FSTL5: variants seen among roughly 807,000 people sequenced by gnomAD.
FSTL5 encodes the protein follistatin like 5.
Under a neutral mutation model 89.1 loss-of-function variants are expected in FSTL5, and 62 were observed. That is an observed-to-expected ratio of 0.70 (90% confidence interval 0.57 to 0.86). FSTL5 has a LOEUF of 0.86. Ranked by LOEUF, FSTL5 falls within the 40% of genes least tolerant of loss-of-function variation. FSTL5 has a pLI of 0.00. For missense variants in FSTL5, 1,057 were observed against 1,001.6 expected, an observed-to-expected ratio of 1.06 and a Z score of -0.75; for synonymous variants, 383 against 346.2, an observed-to-expected ratio of 1.11 and a Z score of -1.18.
chr4:162,126,382 G>A (rs911192450), intron 1 of FSTL5, among the ~76,000 whole-genome samples: 6 of 152,028 alleles, frequency 3.9e-5, no homozygotes, highest in African/African-American at 1.4e-4. Context: ...ACTTTCAAAT[G>A]TCTTGTGGCA....
At chr4:161,712,776 CCTCT>C (rs1228614996) in intron 6 of FSTL5, among the ~76,000 whole-genome samples, 1 of 149,518 alleles carries the variant, frequency 6.7e-6, no homozygotes, top group East Asian at 1.9e-4. Context: ...TGACCCCTCA[CCTCT>C]CTCTCTCTTT....
At chr4:162,080,286 A>G (rs543482311) in intron 2 of FSTL5, among the ~76,000 whole-genome samples, 90 of 151,766 alleles carry the variant, frequency 5.9e-4, no homozygotes, top group Middle Eastern at 6.8e-3. Flanking sequence ...GTAAGGATTT[A>G]TTCTGGCTTA....
intron 1 of FSTL5, among the ~76,000 whole-genome samples, chr4:162,126,217 T>C (rs1412422453): frequency 6.6e-6 from 1 of 152,116 alleles, no homozygotes; most frequent in African/African-American, 2.4e-5. Flanking sequence ...AATAAACCTT[T>C]CTATAGTTTT....
chr4:162,077,066 G>A (rs1203080987), intron 2 of FSTL5, among the ~76,000 whole-genome samples: 1 of 151,756 alleles, frequency 6.6e-6, no homozygotes, highest in Admixed American at 6.6e-5. Flanking sequence ...TTAAAAACTG[G>A]ATACCTGTCA....
intron 15 of FSTL5, among the ~76,000 whole-genome samples, chr4:161,435,259 G>T (rs960280449): frequency 4.6e-5 from 7 of 152,104 alleles, no homozygotes; most frequent in South Asian, 4.1e-4. Flanking sequence ...ATGAGATATT[G>T]TTATTTGCAA....
rs536797410 is a variant in FSTL5, at chr4:161,473,131, C to T, written c.1608+7889G>A. 6.6e-5 allele frequency among the ~76,000 whole-genome samples: 10 copies of T among 152,188 alleles called. No homozygotes were observed. In the South Asian group the frequency reaches 1.7e-3, roughly 25 times the overall value. Reference sequence around the variant, plus strand: ...AAGAGAAAGATATATATGCTATTGTCATTGGATAGGGTATTCTGTATTTGT... The same window carrying T: ...AAGAGAAAGATATATATGCTATTGTTATTGGATAGGGTATTCTGTATTTGT... On this transcript the variant is annotated intron_variant, in intron 13 of 15. Coordinates refer to ENST00000306100, the MANE Select transcript of FSTL5 (RefSeq NM_020116.5).
chr4:161,453,400 C>G lies in FSTL5; in HGVS notation c.1841+1604G>C, dbSNP rs185559262. The stretch of plus-strand genomic sequence containing the variant: ...TAGTCATAACACCAATTGCCAATTA[C>G]ATTAAATTTTATCCTCATTAAATAT... On this transcript the variant is annotated intron_variant, in intron 15 of 15. Transcript: ENST00000306100. Among the ~76,000 whole-genome samples, 553 of 152,146 alleles carry G rather than the reference C, an allele frequency of 3.6e-3. 3 individuals carry two copies. Among genetic ancestry groups the G allele is most frequent in the African/African-American group, 0.012 (501 of 41,524 alleles).
intron 3 of FSTL5, among the ~76,000 whole-genome samples, chr4:161,952,263 T>C (rs1303036288): frequency 6.6e-6 from 1 of 151,972 alleles, no homozygotes; most frequent in Admixed American, 6.6e-5. Context: ...CCACAATCGA[T>C]AGCTCTATTT....
intron 2 of FSTL5, among the ~76,000 whole-genome samples, chr4:162,090,693 C>T (rs562796928): frequency 1.9e-3 from 288 of 151,932 alleles, no homozygotes; most frequent in African/African-American, 6.6e-3. Flanking sequence ...TGGTGGTGCA[C>T]GCCTGTAATC....
At chr4:161,654,544 A>C (rs1240409201) in intron 7 of FSTL5, among the ~76,000 whole-genome samples, 1 of 152,134 alleles carries the variant, frequency 6.6e-6, no homozygotes, top group Non-Finnish European at 1.5e-5. Context: ...AAAAGTTTCC[A>C]CATATATGCA....
chr4:161,597,749 AATAG>A (rs1252892276), intron 7 of FSTL5, among the ~76,000 whole-genome samples: 1 of 152,130 alleles, frequency 6.6e-6, no homozygotes, highest in Non-Finnish European at 1.5e-5. Context: ...GACCCAATGC[AATAG>A]GTTATGGAGT....
rs56229701 is a variant in FSTL5 at position 161,437,565 on chromosome 4, C to CAAAAAAAAAAAAAA, written c.1841+17425_1841+17438dup. ...CTGGTGACAGAGTGAGACTCCGTCT[C>CAAAAAAAAAAAAAA]AAAAAAAAAAAAAAAAACGAGGTCA... On this transcript the variant is annotated intron_variant, in intron 15 of 15. Transcript: ENST00000306100. Among the ~76,000 whole-genome samples, 34 of 68,502 alleles carry CAAAAAAAAAAAAAA rather than the reference C, an allele frequency of 5.0e-4. 1 individual carries two copies. Among genetic ancestry groups the CAAAAAAAAAAAAAA allele is most frequent in the South Asian group, 1.2e-3 (2 of 1,608 alleles). 44.9% of individuals were successfully genotyped at this position (68,502 alleles called of 152,430 possible).
At chr4:161,656,515 T>A (rs1553955489) in intron 6 of FSTL5, 21 bp from the exon 7 acceptor site, 1 of 1,473,110 alleles carries the variant, frequency 6.8e-7, no homozygotes. Context: ...GAAGTGTCAG[T>A]AATGTTGATG....
chr4:161,949,382 G>A (rs1264810185), intron 3 of FSTL5, among the ~76,000 whole-genome samples: 2 of 151,940 alleles, frequency 1.3e-5, no homozygotes, highest in African/African-American at 2.4e-5. Context: ...TCTACCATAC[G>A]CTTTTAAAAA....
intron 3 of FSTL5, among the ~76,000 whole-genome samples, chr4:162,000,061 C>T (rs1186051036): frequency 6.6e-6 from 1 of 152,042 alleles, no homozygotes; most frequent in East Asian, 1.9e-4. Flanking sequence ...GGTTATTTTG[C>T]TTAAGGGCTA....
intron 8 of FSTL5, among the ~76,000 whole-genome samples, chr4:161,584,630 T>C (rs72990941): frequency 0.19 from 28,956 of 152,172 alleles, 3,235 homozygotes; most frequent in Non-Finnish European, 0.23. Flanking sequence ...TCTTGATTTT[T>C]TCACTTTCCT....
intron 7 of FSTL5, among the ~76,000 whole-genome samples, chr4:161,650,891 C>T (rs1446914799): frequency 6.6e-6 from 1 of 152,108 alleles, no homozygotes; most frequent in Non-Finnish European, 1.5e-5. Context: ...GACCTACTTT[C>T]TCTCAAGTAA....
At chr4:161,895,780 A>C (rs1285346374) in intron 4 of FSTL5, among the ~76,000 whole-genome samples, 1 of 152,152 alleles carries the variant, frequency 6.6e-6, no homozygotes, top group East Asian at 1.9e-4. Context: ...TGCATATCAC[A>C]ACGTATTTTT....
intron 2 of FSTL5, among the ~76,000 whole-genome samples, chr4:162,083,991 A>G (rs1216926295): frequency 6.6e-6 from 1 of 151,982 alleles, no homozygotes; most frequent in African/African-American, 2.4e-5. Context: ...TTTAGACATT[A>G]TCTCAATGTG....
Sources: allele counts gnomAD v4.1 joint callset (sites outside exome capture counted in the v4.1 genomes callset), GRCh38; gene constraint gnomAD v4.1.1; transcripts MANE v1.5; gene names NCBI Gene and HGNC (gene_info 2026-07-23, HGNC 2026-07-21).